The following CCDC158 variants were observed in gnomAD, a reference collection of about 807,000 sequenced individuals.
CCDC158 encodes the protein coiled-coil domain containing 158.
CCDC158 carries 116 observed loss-of-function variants against 138.6 expected under a neutral mutation model. That is an observed-to-expected ratio of 0.84 (90% CI 0.72 to 0.98). The LOEUF is 0.98. Among genes scored for constraint, CCDC158 ranks in the 50% least tolerant of loss-of-function variants. The pLI, the probability that CCDC158 is intolerant of heterozygous loss-of-function variation, is 0.00. For synonymous variants in CCDC158, 436 were observed against 442.4 expected (o/e 0.99, Z 0.18); for missense variants, 1,265 against 1,306.1 (o/e 0.97, Z 0.48).
chr4:76,399,874 A>G (rs1184405002), intron 3 of CCDC158, among the ~76,000 whole-genome samples: 4 of 152,136 alleles, frequency 2.6e-5, no homozygotes, highest in Admixed American at 2.0e-4. Context: ...AGGAGTTGAC[A>G]GTGGGGGGTG....
intron 12 of CCDC158, among the ~76,000 whole-genome samples, chr4:76,366,885 T>C (rs28429748): frequency 0.029 from 4,457 of 152,256 alleles, 214 homozygotes; most frequent in African/African-American, 0.1. Context: ...TGGGAGTTTT[T>C]TGTTTTGTTT....
intron 12 of CCDC158, among the ~76,000 whole-genome samples, chr4:76,365,463 A>G (rs1001839069): frequency 6.6e-6 from 1 of 152,198 alleles, no homozygotes; most frequent in African/African-American, 2.4e-5. Context: ...CCACTTCTGC[A>G]TACTGATGCC....
chr4:76,329,237 C>T (rs1463979613), intron 21 of CCDC158, among the ~76,000 whole-genome samples: 2 of 152,196 alleles, frequency 1.3e-5, no homozygotes, highest in South Asian at 2.1e-4. Flanking sequence ...GCTATAAAAT[C>T]CACGTCATCT....
At chr4:76,356,574 G>C (rs996233375) in intron 14 of CCDC158, 1 of 152,132 alleles carries the variant, frequency 6.6e-6, no homozygotes, top group Non-Finnish European at 1.5e-5. Context: ...AACCCAACAA[G>C]TTTATCTGTG....
chr4:76,408,917 T>C (rs1729063031), intron 2 of CCDC158, among the ~76,000 whole-genome samples: 2 of 152,228 alleles, frequency 1.3e-5, no homozygotes, highest in East Asian at 3.8e-4. Context: ...TGGTTTTGAT[T>C]TGCATTTCTG....
At chr4:76,378,591 G>T (rs910586291) in intron 9 of CCDC158, among the ~76,000 whole-genome samples, 2 of 152,132 alleles carry the variant, frequency 1.3e-5, no homozygotes, top group Non-Finnish European at 2.9e-5. Flanking sequence ...GCCGCCTTGG[G>T]TGATCACCCT....
chr4:76,348,006 G>C (rs1722722160), intron 18 of CCDC158, among the ~76,000 whole-genome samples: 1 of 152,150 alleles, frequency 6.6e-6, no homozygotes, highest in Non-Finnish European at 1.5e-5. Flanking sequence ...TTCAGGCTGG[G>C]AAGTGCAAGA....
At chr4:76,361,150 T>C (rs769093422) in intron 13 of CCDC158, among the ~76,000 whole-genome samples, 9 of 152,236 alleles carry the variant, frequency 5.9e-5, no homozygotes, top group Non-Finnish European at 1.2e-4. Flanking sequence ...TGTTGCCATG[T>C]GAATATGTGC....
chr4:76,361,936 G>C (rs1425408603), intron 13 of CCDC158, among the ~76,000 whole-genome samples, 190 bp downstream of exon 13: 1 of 152,180 alleles, frequency 6.6e-6, no homozygotes, highest in Admixed American at 6.5e-5. Flanking sequence ...AGGTCAGTAA[G>C]TGTAAGATGT....
Position 76,383,675 on chromosome 4 carries a change from G to T in CCDC158, c.790C>A (p.Gln264Lys). Residue 264 changes from glutamine to lysine, a missense_variant, in exon 7 of 25, where the codon CAA becomes AAA. Transcript: ENST00000682701. ...SQNKIELLLQ[Q>K]HQDRIEQLIS... ...TCAGAAACCTACCTATCTTGGTGTT[G>T]TTGCAGAAGTAGTTCTATTTTGTTC... 1 of 1,612,052 alleles carries T rather than the reference G, an allele frequency of 6.2e-7. No individual in the cohort carries two copies. Among genetic ancestry groups the T allele is most frequent in the Non-Finnish European group, 8.5e-7 (1 of 1,178,180 alleles).
At chr4:76,344,654 G>T in intron 18 of CCDC158, 7 of 1,607,350 alleles carry the variant, frequency 4.4e-6, no homozygotes, top group Non-Finnish European at 6.0e-6. Flanking sequence ...TGCACACAAA[G>T]ACCACACTGC....
Position 76,367,634 on chromosome 4 carries a change from G to T in CCDC158, c.1490C>A (p.Thr497Lys). ...GAGAGAAGTTGTCAGGTCCGATATT[G>T]TCCTCTCTGAGCTCTCCAGAGTCAT... ...KKMTLESSER[T>K]ISDLTTSLQE... Residue 497 changes from threonine (T) to lysine (K), a missense_variant, in exon 12 of 25, where the codon ACA (threonine) becomes AAA (lysine). By Grantham distance (78) the Thr-to-Lys change is moderately conservative (BLOSUM62 -1). Coordinates refer to ENST00000682701, the MANE Select transcript of CCDC158 (RefSeq NM_001394954.1). The T allele has an allele frequency of 6.2e-7, 1 of 1,614,142 alleles. No individual in the cohort carries two copies. The highest frequency in any genetic ancestry group is 8.5e-7 in the Non-Finnish European group (1 of 1,180,012).
intron 3 of CCDC158, among the ~76,000 whole-genome samples, chr4:76,396,935 A>G (rs894458847): frequency 6.6e-6 from 1 of 152,162 alleles, no homozygotes; most frequent in Non-Finnish European, 1.5e-5. Flanking sequence ...GAAAATACGC[A>G]TGTGAAAGGA....
intron 18 of CCDC158, among the ~76,000 whole-genome samples, chr4:76,348,082 T>C (rs1466074956): frequency 6.6e-6 from 1 of 152,000 alleles, no homozygotes; most frequent in Non-Finnish European, 1.5e-5. Context: ...CTTCTATGTG[T>C]CCTCACATGG....
intron 9 of CCDC158, among the ~76,000 whole-genome samples, chr4:76,377,968 C>T (rs546398477): frequency 7.9e-5 from 12 of 152,142 alleles, no homozygotes; most frequent in Admixed American, 1.3e-4. Context: ...ATGAATCTTG[C>T]TTCAGTTGCA....
At chr4:76,338,708 G>T (rs1205205889) in intron 18 of CCDC158, among the ~76,000 whole-genome samples, 4 of 152,148 alleles carry the variant, frequency 2.6e-5, no homozygotes, top group Non-Finnish European at 2.9e-5. Flanking sequence ...TGGTGGCAGG[G>T]TTTAAGTCAG....
Position 76,351,136 on chromosome 4 carries a change from A to G in CCDC158, c.2539-15T>C. ...CCCTGAAGTTCCTGGAAAACAATAT[A>G]GAGGTAAGCAAAATAACTGCCAGCC... is the stretch of plus-strand genomic sequence containing the variant. On this transcript the variant is annotated splice_polypyrimidine_tract_variant and intron_variant, in intron 17 of 24. Coordinates refer to ENST00000682701, the MANE Select transcript of CCDC158 (RefSeq NM_001394954.1). The G allele has an allele frequency of 6.3e-7, 1 of 1,593,258 alleles. No individual in the cohort carries two copies. The highest frequency in any genetic ancestry group is 1.1e-5 in the South Asian group (1 of 87,392).
intron 3 of CCDC158, among the ~76,000 whole-genome samples, chr4:76,398,540 T>C (rs1037678239): frequency 2.6e-5 from 4 of 151,844 alleles, no homozygotes; most frequent in African/African-American, 9.7e-5. Context: ...TGGTGGTGTG[T>C]GCCTGTAATC....
chr4:76,358,214 C>T (rs1156759682), intron 13 of CCDC158, among the ~76,000 whole-genome samples: 1 of 152,110 alleles, frequency 6.6e-6, no homozygotes, highest in Non-Finnish European at 1.5e-5. Context: ...CATTGCTTTT[C>T]CAATACCACA....
Sources: allele counts gnomAD v4.1 joint callset (sites outside exome capture counted in the v4.1 genomes callset), GRCh38; gene constraint gnomAD v4.1.1; transcripts MANE v1.5; gene names NCBI Gene and HGNC (gene_info 2026-07-23, HGNC 2026-07-21).